The following RGS3 variants were observed in gnomAD, a reference collection of about 807,000 sequenced individuals.
The protein encoded by RGS3 is regulator of G protein signaling 3, also known as regulator of G-protein signalling 3.
Under a neutral mutation model 132.6 loss-of-function variants are expected in RGS3, and 80 were observed. That is an observed-to-expected ratio of 0.60 (90% confidence interval 0.50 to 0.73). RGS3 has a LOEUF of 0.73. RGS3 is among the 30% of genes least tolerant of loss of function. The probability of loss-of-function intolerance (pLI) is 0.00; values close to 1 mark genes in which losing one functional copy is unlikely to be tolerated. For synonymous variants in RGS3, 598 were observed against 620.6 expected (o/e 0.96, Z 0.54); for missense variants, 1,382 against 1,530.8 (o/e 0.90, Z 1.62).
chr9:113,505,312 T>A, intron 10 of RGS3, 130 bp from the exon 9 acceptor site: 1 of 737,184 alleles, frequency 1.4e-6, no homozygotes, highest in African/African-American at 1.7e-5. Flanking sequence ...GCTGGCTAGC[T>A]CCTTTGTGCC....
chr9:113,541,178 A>G, intron 19 of RGS3: 1 of 798,384 alleles, frequency 1.3e-6, no homozygotes, highest in Non-Finnish European at 2.0e-6. Context: ...CCACCTTGTC[A>G]TCTCCACTGG....
chr9:113,498,867 A>C (rs1403693412), intron 10 of RGS3, among the ~76,000 whole-genome samples: 1 of 144,964 alleles, frequency 6.9e-6, no homozygotes, highest in African/African-American at 2.5e-5. Context: ...CAGTGAGCTG[A>C]GATCATGCCA....
intron 20 of RGS3, among the ~76,000 whole-genome samples, chr9:113,588,150 G>GGCAGAGGTGGTCC (rs900338270): frequency 6.6e-6 from 1 of 152,208 alleles, no homozygotes; most frequent in African/African-American, 2.4e-5. Context: ...GACTGGCCTG[G>GGCAGAGGTGGTCC]GCAGAGGTGG....
At chr9:113,464,487 C>G (rs1429112947) in intron 3 of RGS3, among the ~76,000 whole-genome samples, 1 of 152,182 alleles carries the variant, frequency 6.6e-6, no homozygotes, top group Non-Finnish European at 1.5e-5. Context: ...AGACTGAGTT[C>G]CCCCAAATAA....
At chr9:113,544,075 C>T (rs998656001) in intron 19 of RGS3, among the ~76,000 whole-genome samples, 3 of 152,296 alleles carry the variant, frequency 2.0e-5, no homozygotes, top group South Asian at 2.1e-4. Flanking sequence ...GCTATAATCA[C>T]GGGAAGCATT....
At chr9:113,590,038 G>C (rs1272109906) in intron 20 of RGS3, 1 of 152,210 alleles carries the variant, frequency 6.6e-6, no homozygotes, top group Non-Finnish European at 1.5e-5. Flanking sequence ...TCTCAGGAAG[G>C]AGGCAGCACT....
At chr9:113,449,407 A>T (rs1366858980) in intron 1 of RGS3, among the ~76,000 whole-genome samples, 1 of 152,186 alleles carries the variant, frequency 6.6e-6, no homozygotes, top group East Asian at 1.9e-4. Context: ...CATTAATCAA[A>T]CCTTTACAAT....
chr9:113,529,228 A>G (rs1230050609), exon 18 of RGS3: 1 of 1,613,404 alleles, frequency 6.2e-7, no homozygotes, highest in Non-Finnish European at 8.5e-7. Flanking sequence ...AAGGTTCTTC[A>G]GAAGACCTGA....
At chr9:113,592,398 A>C (rs1333250035) in intron 21 of RGS3, 3 of 152,264 alleles carry the variant, frequency 2.0e-5, no homozygotes, top group Non-Finnish European at 4.4e-5. Context: ...GTAGGGAAGC[A>C]GTGTGTGGCG....
chr9:113,580,422 T>C (rs576226703), intron 19 of RGS3, among the ~76,000 whole-genome samples: 20 of 152,332 alleles, frequency 1.3e-4, no homozygotes, highest in African/African-American at 4.8e-4. Flanking sequence ...ATAGCTCCCA[T>C]TGTATCAAAA....
intron 10 of RGS3, among the ~76,000 whole-genome samples, chr9:113,504,502 A>G (rs907471606): frequency 6.6e-6 from 1 of 152,186 alleles, no homozygotes; most frequent in African/African-American, 2.4e-5. Flanking sequence ...TGTGCCAAGC[A>G]TGGCGTCCAT....
At chr9:113,486,610 C>T (rs1158618292) in intron 7 of RGS3, among the ~76,000 whole-genome samples, 1 of 152,138 alleles carries the variant, frequency 6.6e-6, no homozygotes, top group East Asian at 1.9e-4. Flanking sequence ...GCTGGTGCAG[C>T]CTAAGGAATC....
chr9:113,517,231 G>A (rs755672551), intron 15 of RGS3: 10 of 527,766 alleles, frequency 1.9e-5, no homozygotes, highest in South Asian at 7.7e-5. Flanking sequence ...GCAGTGGGGG[G>A]TGAGAGCTGG....
In RGS3 at chr9:113,463,927, C is replaced by G; in HGVS notation, c.415+1726C>G. 2 of 1,596,554 alleles carry G rather than the reference C, an allele frequency of 1.3e-6. No homozygotes were observed. The highest frequency in any genetic ancestry group is 1.7e-6 in the Non-Finnish European group (2 of 1,167,592). On this transcript the variant is annotated intron_variant, in intron 3 of 24. Transcript: ENST00000350696. This position sits in a 1 kb window ranked among gnomAD's most constrained non-coding sequence, Gnocchi z 4.6. ...GCGGCAGGGGCTGCTTCACCCTGCTCCCAGCGCCCAGAAACGCAGCCCCTC... is the reference window on the plus strand; with the variant it reads ...GCGGCAGGGGCTGCTTCACCCTGCTGCCAGCGCCCAGAAACGCAGCCCCTC...
chr9:113,451,619 T>G (rs1405106239), intron 1 of RGS3, among the ~76,000 whole-genome samples: 1 of 152,174 alleles, frequency 6.6e-6, no homozygotes, highest in Non-Finnish European at 1.5e-5. Context: ...AGTTTGCTTC[T>G]TGCAATTATC....
intron 1 of RGS3, among the ~76,000 whole-genome samples, chr9:113,453,097 T>G (rs1829291896): frequency 7.4e-6 from 1 of 135,386 alleles, no homozygotes; most frequent in Admixed American, 8.1e-5. Flanking sequence ...GAAATATATT[T>G]TATATAAATT....
At chr9:113,464,031 C>T (rs1277150307) in intron 3 of RGS3, 150 bp downstream of exon 1, 2 of 796,726 alleles carry the variant, frequency 2.5e-6, no homozygotes, top group African/African-American at 3.5e-5. Flanking sequence ...CTGTGACTGC[C>T]CAGGAGGGGC....
At chr9:113,553,465 T>C (rs370958349) in intron 19 of RGS3, among the ~76,000 whole-genome samples, 1 of 33,810 alleles carries the variant, frequency 3.0e-5, no homozygotes, top group East Asian at 9.9e-4. Context: ...AAAAAATATA[T>C]ATATATATAT....
chr9:113,562,486 A>G (rs1833835500), intron 19 of RGS3, among the ~76,000 whole-genome samples: 1 of 152,072 alleles, frequency 6.6e-6, no homozygotes, highest in Non-Finnish European at 1.5e-5. Context: ...CAAAAAAAAA[A>G]AAAAAAAAAG....
Sources: gnomAD v4.1 joint callset for allele counts (sites outside exome capture counted in the v4.1 genomes callset) on GRCh38, gnomAD v4.1.1 for gene constraint, Gnocchi (gnomAD v3.1) non-coding constraint, MANE v1.5 for transcripts, NCBI Gene and HGNC (gene_info 2026-07-23, HGNC 2026-07-21) for gene names.